PRELID2: variants seen among roughly 807,000 people sequenced by gnomAD.
PRELID2 encodes PRELI domain-containing protein 2.
In PRELID2, 25 loss-of-function variants were observed where a neutral mutation model predicts 28.4. The ratio of observed to expected loss-of-function variants is 0.88; its 90% confidence interval spans 0.64 to 1.23. The LOEUF (loss-of-function observed/expected upper bound fraction) is 1.23. PRELID2 is among the 50% of genes most tolerant of loss of function. The pLI is 0.00. For missense variants in PRELID2, 201 were observed against 214.4 expected (o/e 0.94, Z 0.39); for synonymous variants, 76 against 71.6 (o/e 1.06, Z -0.31).
At chr5:145,687,042 T>G (rs1380602222) in intron 1 of PRELID2, among the ~76,000 whole-genome samples, 1 of 152,120 alleles carries the variant, frequency 6.6e-6, no homozygotes, top group African/African-American at 2.4e-5. Context: ...TGAAAATAAT[T>G]ACAGGTTTTT....
At chr5:145,496,541 G>T (rs534380850) in intron 1 of PRELID2, among the ~76,000 whole-genome samples, 1 of 152,268 alleles carries the variant, frequency 6.6e-6, no homozygotes, top group Non-Finnish European at 1.5e-5. Context: ...AAAACATGTT[G>T]CCAGTCAAGG....
At position 145,603,292 on chromosome 5, in the gene PRELID2, GA is replaced by G. The variant is rs538332612; in HGVS notation, n.71-129978del. Among the ~76,000 whole-genome samples, 137 of 136,664 alleles carry G rather than the reference GA, an allele frequency of 1.0e-3. 1 individual carries two copies. Among genetic ancestry groups the G allele is most frequent in the South Asian group, 8.4e-3 (36 of 4,274 alleles). The allele number at this position is 136,664 out of a possible 152,430, so 89.7% of individuals were successfully genotyped here. The stretch of plus-strand genomic sequence containing the variant: ...GGACATAATTAAATCAGAGCAGCTA[GA>G]AAAAAAAAAAAGAAAAATCTTTGAA... On this transcript the variant is annotated intron_variant and non_coding_transcript_variant, in intron 1 of 2. Coordinates refer to the PRELID2 transcript ENST00000510259.
At chr5:145,478,156 G>A (rs901730412) in intron 1 of PRELID2, among the ~76,000 whole-genome samples, 1 of 152,134 alleles carries the variant, frequency 6.6e-6, no homozygotes, top group East Asian at 1.9e-4. Flanking sequence ...TATTGTCCAG[G>A]GTAGTAGCCA....
intron 1 of PRELID2, among the ~76,000 whole-genome samples, chr5:145,615,318 C>CTTTTTTTTTTT (rs1403386842): frequency 8.7e-6 from 1 of 115,034 alleles, no homozygotes; most frequent in African/African-American, 4.0e-5. Context: ...ATGTGAGTCT[C>CTTTTTTTTTTT]TTTTTTTTGT....
At chr5:145,349,059 CAT>C in the PRELID2 span, among the ~76,000 whole-genome samples, 1 of 152,062 alleles carries the variant, frequency 6.6e-6, no homozygotes, top group South Asian at 2.1e-4. Context: ...CGTATTTATA[CAT>C]GTCCTTTTTT....
At chr5:145,785,859 T>C (rs1751959809) in intron 5 of PRELID2, among the ~76,000 whole-genome samples, 1 of 152,142 alleles carries the variant, frequency 6.6e-6, no homozygotes, top group Admixed American at 6.5e-5. Context: ...GCCTAAATGG[T>C]CCCAGGGCCA....
the PRELID2 span, chr5:145,229,567 C>T: frequency 4.7e-6 from 7 of 1,475,782 alleles, no homozygotes; most frequent in Admixed American, 1.0e-4. Flanking sequence ...CCTTGGAGCT[C>T]TTCATGTACC....
chr5:145,373,963 CAT>C, the PRELID2 span, among the ~76,000 whole-genome samples: 6 of 139,422 alleles, frequency 4.3e-5, no homozygotes, highest in African/African-American at 1.3e-4. Context: ...TATGTTATAA[CAT>C]ATAATATATA....
chr5:145,517,532 C>A (rs1293259513), intron 1 of PRELID2, among the ~76,000 whole-genome samples: 2 of 152,142 alleles, frequency 1.3e-5, no homozygotes, highest in Non-Finnish European at 2.9e-5. Context: ...AACAATTTTA[C>A]ACTGTTGGTG....
At chr5:145,252,096 A>T in the PRELID2 span, among the ~76,000 whole-genome samples, 2 of 152,124 alleles carry the variant, frequency 1.3e-5, no homozygotes, top group South Asian at 4.1e-4. Flanking sequence ...TTGTTACTCA[A>T]AATCTGGCCA....
intron 1 of PRELID2, among the ~76,000 whole-genome samples, chr5:145,739,892 A>G (rs1756605897): frequency 6.6e-6 from 1 of 151,890 alleles, no homozygotes; most frequent in South Asian, 2.1e-4. Context: ...TATAAAATGT[A>G]TCCAAATACC....
the PRELID2 span, among the ~76,000 whole-genome samples, chr5:145,260,973 G>C: frequency 6.6e-6 from 1 of 152,178 alleles, no homozygotes; most frequent in Non-Finnish European, 1.5e-5. Context: ...TATTGAGTGG[G>C]GGCATGGTGG....
the PRELID2 span, among the ~76,000 whole-genome samples, chr5:145,271,502 C>T: frequency 6.6e-6 from 1 of 152,210 alleles, no homozygotes; most frequent in South Asian, 2.1e-4. Context: ...AGGTGAGCCC[C>T]CATACTTGGC....
At chr5:145,667,082 A>T (rs1754609526) in intron 1 of PRELID2, among the ~76,000 whole-genome samples, 2 of 152,096 alleles carry the variant, frequency 1.3e-5, no homozygotes, top group African/African-American at 4.8e-5. Flanking sequence ...TTATCTGAAC[A>T]TTTATTTGAA....
intron 1 of PRELID2, among the ~76,000 whole-genome samples, chr5:145,528,102 C>A (rs2126657767): frequency 6.6e-6 from 1 of 152,270 alleles, no homozygotes; most frequent in South Asian, 2.1e-4. Context: ...ATGCAAGCAT[C>A]ACTTTCTCAG....
At chr5:145,632,837 T>A (rs552534908) in intron 1 of PRELID2, among the ~76,000 whole-genome samples, 1 of 152,280 alleles carries the variant, frequency 6.6e-6, no homozygotes, top group Non-Finnish European at 1.5e-5. Context: ...AACTTTGAGT[T>A]AATAAAAAAG....
intron 1 of PRELID2, among the ~76,000 whole-genome samples, chr5:145,650,543 T>C (rs1292787390): frequency 2.5e-4 from 28 of 112,262 alleles, no homozygotes; most frequent in African/African-American, 4.5e-4. Flanking sequence ...TATATATATA[T>C]ATATATATAT....
chr5:145,541,670 G>T (rs1413553559), intron 1 of PRELID2, among the ~76,000 whole-genome samples: 1 of 152,016 alleles, frequency 6.6e-6, no homozygotes, highest in East Asian at 1.9e-4. Context: ...AACTATAAAG[G>T]TAGTTTAATT....
the PRELID2 span, among the ~76,000 whole-genome samples, chr5:145,305,518 T>G: frequency 6.6e-6 from 1 of 152,130 alleles, no homozygotes; most frequent in Non-Finnish European, 1.5e-5. Context: ...TGTGCCATAA[T>G]GAACATGCAA....
Sources: gnomAD v4.1 joint callset for allele counts (sites outside exome capture counted in the v4.1 genomes callset) on GRCh38, gnomAD v4.1.1 for gene constraint, MANE v1.5 for transcripts, NCBI Gene and HGNC (gene_info 2026-07-23, HGNC 2026-07-21) for gene names.